The following STAMBPL1 variants were observed in gnomAD, a reference collection of about 807,000 sequenced individuals.
STAMBPL1 encodes AMSH-like protease.
STAMBPL1 carries 44 observed loss-of-function variants against 52.9 expected under a neutral mutation model. The ratio of observed to expected loss-of-function variants is 0.83; its 90% CI spans 0.65 to 1.07. STAMBPL1 has a LOEUF of 1.07. STAMBPL1 is among the 50% of genes least tolerant of loss of function. The pLI, the probability that STAMBPL1 is intolerant of heterozygous loss-of-function variation, is 0.00. For synonymous variants in STAMBPL1, 164 were observed against 177.3 expected, an observed-to-expected ratio of 0.92 and a Z score of 0.60; for missense variants, 511 against 520.8, an observed-to-expected ratio of 0.98 and a Z score of 0.18.
intron 1 of STAMBPL1, among the ~76,000 whole-genome samples, chr10:88,899,576 C>A (rs911873333): frequency 6.6e-6 from 1 of 152,168 alleles, no homozygotes; most frequent in Non-Finnish European, 1.5e-5. Flanking sequence ...GTGGTGCCAT[C>A]TCAACTCACT....
intron 8 of STAMBPL1, among the ~76,000 whole-genome samples, chr10:88,917,312 G>C (rs1845396657): frequency 1.3e-5 from 2 of 152,084 alleles, no homozygotes. Context: ...CACACTCCCT[G>C]ACACCCCTCA....
intron 8 of STAMBPL1, among the ~76,000 whole-genome samples, chr10:88,917,083 A>G (rs1298552382): frequency 3.9e-5 from 6 of 152,154 alleles, no homozygotes; most frequent in Non-Finnish European, 8.8e-5. Flanking sequence ...CGTGTATCTT[A>G]TGCTTTTTTG....
In STAMBPL1 at chr10:88,916,078, G is replaced by A. The variant is rs780619864; in HGVS notation, c.904-602G>A. On this transcript the variant is annotated intron_variant, in intron 7 of 10. Coordinates refer to ENST00000371926, the MANE Select transcript of STAMBPL1 (RefSeq NM_020799.4). ...CAACTCTTATCTTTTGCCTAAGGGG[G>A]GTAATTTGTTTTTTCCTTTCTCTTT... Among the ~76,000 whole-genome samples the A allele has an allele frequency of 2.0e-4, 30 of 152,036 alleles. 1 individual carries two copies. The highest frequency in any genetic ancestry group is 2.1e-4 in the South Asian group (1 of 4,830).
intron 8 of STAMBPL1, among the ~76,000 whole-genome samples, chr10:88,918,074 T>C (rs1845413339): frequency 6.6e-6 from 1 of 152,094 alleles, no homozygotes; most frequent in African/African-American, 2.4e-5. Context: ...ACTGTTGCAT[T>C]GAGGATTAAG....
At chr10:88,895,632 G>T (rs1023951785) in intron 1 of STAMBPL1, among the ~76,000 whole-genome samples, 2 of 152,198 alleles carry the variant, frequency 1.3e-5, no homozygotes, top group Non-Finnish European at 2.9e-5. Context: ...AGCTTTAGTT[G>T]AATTCTTCTG....
At chr10:88,921,194 T>TA (rs139970435) in intron 8 of STAMBPL1, 89 bp from the exon 9 acceptor site, 148,304 of 983,130 alleles carry the variant, frequency 0.15, 8,997 homozygotes, top group Non-Finnish European at 0.17. Context: ...TGGTAAAAAC[T>TA]AAAAAAAAAC....
chr10:88,893,304 A>G (rs1844731862), intron 1 of STAMBPL1, among the ~76,000 whole-genome samples: 1 of 152,248 alleles, frequency 6.6e-6, no homozygotes, highest in African/African-American at 2.4e-5. Context: ...CCTTTGATAT[A>G]GCACAAAAAT....
intron 2 of STAMBPL1, among the ~76,000 whole-genome samples, chr10:88,903,886 G>A (rs1845009348): frequency 6.6e-6 from 1 of 152,156 alleles, no homozygotes; most frequent in Non-Finnish European, 1.5e-5. Flanking sequence ...AAGTTTATGG[G>A]TCTCTGGTTA....
chr10:88,918,550 G>A (rs1337867721), intron 8 of STAMBPL1, among the ~76,000 whole-genome samples: 1 of 152,062 alleles, frequency 6.6e-6, no homozygotes, highest in African/African-American at 2.4e-5. Context: ...TAAACTGCCT[G>A]TCAAATGCAA....
At chr10:88,913,567 C>A (rs569856325) in intron 6 of STAMBPL1, 109 bp downstream of exon 6, 3 of 893,218 alleles carry the variant, frequency 3.4e-6, no homozygotes, top group East Asian at 2.4e-5. Flanking sequence ...TGTAGTAGGA[C>A]CCCTGCATAA....
At position 88,913,345 on chromosome 10, in the gene STAMBPL1, T is replaced by C. The variant is rs773549749; in HGVS notation, c.665T>C (p.Leu222Ser). Residue 222 changes from leucine (L) to serine (S), a missense_variant, in exon 6 of 11, where the codon TTG (leucine) becomes TCG (serine). Around this residue, in one of 3 missense-constraint regions of STAMBPL1, gnomAD observed 358 missense variants for 343.5 expected, o/e 1.04. Coordinates refer to ENST00000371926, the MANE Select transcript of STAMBPL1 (RefSeq NM_020799.4). ...TTTTCCACACACCAGAACAATTCCT[T>C]GCTGAATGTATTTGCAGATCAACCT... ...SCFSTHQNNSLLNVFADQPNK... is the reference protein window; with the variant it reads ...SCFSTHQNNSSLNVFADQPNK... 3.1e-6 allele frequency: 5 copies of C among 1,613,788 alleles called. No individual in the cohort carries two copies. The Admixed American group carries it at 8.3e-5, about 27-fold the overall frequency.
Position 88,922,413 on chromosome 10 carries a change from AC to A in STAMBPL1, c.1233del (p.Lys412ArgfsTer14). 1 of 1,613,456 alleles carries A rather than the reference AC, an allele frequency of 6.2e-7. No individual in the cohort carries two copies. The highest frequency in any genetic ancestry group is 8.5e-7 in the Non-Finnish European group (1 of 1,179,662). The part of the protein sequence containing the change: ...ACKKKGFHPH[T>X]KEPRLFSICK... ...TAAAAAAAAGGGCTTTCATCCACAC[AC>A]CAAGGAGCCCAGGCTGTTCAGTGTG... On this transcript the variant is annotated frameshift_variant, in exon 10 of 11. Coordinates refer to ENST00000371926, the MANE Select transcript of STAMBPL1 (RefSeq NM_020799.4). LOFTEE classifies it high-confidence loss of function.
chr10:88,899,278 T>C (rs1235871324), intron 1 of STAMBPL1, among the ~76,000 whole-genome samples: 6 of 152,190 alleles, frequency 3.9e-5, no homozygotes, highest in Admixed American at 3.9e-4. Flanking sequence ...GGAAACCTCA[T>C]GTATTGGAAT....
chr10:88,904,969 A>G (rs1324340504), intron 2 of STAMBPL1, among the ~76,000 whole-genome samples: 1 of 152,006 alleles, frequency 6.6e-6, no homozygotes, highest in Non-Finnish European at 1.5e-5. Context: ...CTTACTAAAC[A>G]ACACTTATTC....
At chr10:88,906,294 TAGAC>T (rs1845073725) in intron 3 of STAMBPL1, among the ~76,000 whole-genome samples, 1 of 152,228 alleles carries the variant, frequency 6.6e-6, no homozygotes, top group Non-Finnish European at 1.5e-5. Context: ...TGTTTCCTAT[TAGAC>T]AGATATTTGT....
intron 7 of STAMBPL1, 52 bp downstream of exon 7, chr10:88,914,710 T>C (rs556497173): frequency 1.8e-4 from 141 of 786,872 alleles, no homozygotes; most frequent in Non-Finnish European, 2.1e-4. Flanking sequence ...ATAGGATACT[T>C]TTAATAGTAC....
intron 5 of STAMBPL1, among the ~76,000 whole-genome samples, chr10:88,911,796 A>G (rs560253327): frequency 1.3e-5 from 2 of 152,330 alleles, no homozygotes; most frequent in East Asian, 1.9e-4. Context: ...ACGAAGTGGT[A>G]GAGGGAATGG....
At chr10:88,896,509 G>A (rs1844813676) in intron 1 of STAMBPL1, among the ~76,000 whole-genome samples, 1 of 152,152 alleles carries the variant, frequency 6.6e-6, no homozygotes. Flanking sequence ...ATTGCACCAT[G>A]TTCTTCCTGG....
chr10:88,905,724 G>A (rs1199972516), intron 3 of STAMBPL1, 64 bp downstream of exon 3: 3 of 1,311,228 alleles, frequency 2.3e-6, no homozygotes, highest in Admixed American at 1.9e-5. Flanking sequence ...TTATTTTGAT[G>A]TGGCAGTTTG....
Sources: gnomAD v4.1 joint callset for allele counts (sites outside exome capture counted in the v4.1 genomes callset) on GRCh38, gnomAD v4.1.1 for gene constraint, gnomAD v4.1.1 regional missense constraint, MANE v1.5 for transcripts, NCBI Gene and HGNC (gene_info 2026-07-23, HGNC 2026-07-21) for gene names.